RALGPS1: variants seen among roughly 807,000 people sequenced by gnomAD.
RALGPS1 encodes the protein ras-specific guanine nucleotide-releasing factor RalGPS1.
RALGPS1 carries 19 observed loss-of-function variants against 78.8 expected under a neutral mutation model. The observed-to-expected ratio is 0.24, with a 90% CI of 0.17 to 0.35. The LOEUF (loss-of-function observed/expected upper bound fraction) is 0.35, where lower values mean the gene tolerates loss of function less well. RALGPS1 is among the 10% of genes least tolerant of loss of function. The pLI, the probability that RALGPS1 is intolerant of heterozygous loss-of-function variation, is 1.00. For missense variants in RALGPS1, 454 were observed against 688.3 expected (o/e 0.66, Z 3.81); for synonymous variants, 228 against 256.3 (o/e 0.89, Z 1.06).
intron 8 of RALGPS1, among the ~76,000 whole-genome samples, chr9:127,121,010 T>C (rs1341153508): frequency 6.6e-6 from 1 of 152,080 alleles, no homozygotes; most frequent in East Asian, 1.9e-4. Context: ...TAGGGTGTGG[T>C]TGAGTGGCTC....
chr9:126,980,899 C>G (rs1270604003), intron 4 of RALGPS1, among the ~76,000 whole-genome samples: 2 of 152,142 alleles, frequency 1.3e-5, no homozygotes, highest in Non-Finnish European at 2.9e-5. Context: ...ATTGTGTAAG[C>G]AATATAGTTT....
At chr9:126,936,692 G>C (rs1004417224) in intron 1 of RALGPS1, among the ~76,000 whole-genome samples, 5 of 152,082 alleles carry the variant, frequency 3.3e-5, no homozygotes, top group African/African-American at 1.2e-4. Context: ...AGGTGCCATT[G>C]CAAAAGAAAG....
chr9:127,200,419 C>T (rs909461715), intron 14 of RALGPS1, among the ~76,000 whole-genome samples: 1 of 152,232 alleles, frequency 6.6e-6, no homozygotes, highest in Non-Finnish European at 1.5e-5. Context: ...AAACAAGGCT[C>T]AGAGAGGTAA....
intron 8 of RALGPS1, among the ~76,000 whole-genome samples, chr9:127,139,423 G>C (rs2057620174): frequency 6.6e-6 from 1 of 152,240 alleles, no homozygotes. Context: ...AACCCACCTT[G>C]TGCCCAGCTG....
chr9:127,127,895 C>T (rs773138034), intron 8 of RALGPS1, among the ~76,000 whole-genome samples: 3 of 151,814 alleles, frequency 2.0e-5, no homozygotes, highest in African/African-American at 7.3e-5. Context: ...TGTTATTATA[C>T]TTTAAGTTCT....
intron 8 of RALGPS1, chr9:127,108,124 T>A (rs1225599468): frequency 1.9e-6 from 3 of 1,613,696 alleles, no homozygotes; most frequent in Non-Finnish European, 8.5e-7. Flanking sequence ...CCTCTGGCAG[T>A]GCTCCTCAAG....
At chr9:127,203,013 C>T (rs2061728031) in intron 14 of RALGPS1, among the ~76,000 whole-genome samples, 3 of 152,124 alleles carry the variant, frequency 2.0e-5, no homozygotes, top group Admixed American at 6.5e-5. Flanking sequence ...GGGAAGGGAG[C>T]GTTTAGTCAG....
At chr9:127,083,154 G>C (rs2136185953) in intron 8 of RALGPS1, among the ~76,000 whole-genome samples, 1 of 152,294 alleles carries the variant, frequency 6.6e-6, no homozygotes, top group African/African-American at 2.4e-5. Flanking sequence ...TTTTTGGATA[G>C]ACACCCAGCC....
chr9:127,015,868 A>G (rs2044767406), intron 4 of RALGPS1, among the ~76,000 whole-genome samples: 3 of 151,634 alleles, frequency 2.0e-5, no homozygotes, highest in South Asian at 4.2e-4. Context: ...TTCTCACACC[A>G]TGTTTCCACC....
chr9:127,022,020 G>C (rs2045504454), intron 4 of RALGPS1, among the ~76,000 whole-genome samples: 1 of 152,142 alleles, frequency 6.6e-6, no homozygotes, highest in African/African-American at 2.4e-5. Context: ...AGGATTTGAT[G>C]AAACAGTAGT....
chr9:127,208,979 G>T (rs537845880), intron 14 of RALGPS1, among the ~76,000 whole-genome samples: 1 of 152,328 alleles, frequency 6.6e-6, no homozygotes, highest in South Asian at 2.1e-4. Flanking sequence ...AGACTCACGA[G>T]AAGAAAAGTG....
At chr9:127,127,072 C>A (rs1313425413) in intron 8 of RALGPS1, among the ~76,000 whole-genome samples, 1 of 152,152 alleles carries the variant, frequency 6.6e-6, no homozygotes, top group Non-Finnish European at 1.5e-5. Context: ...TAGGAGTTAG[C>A]TAAGGATTTG....
At chr9:127,126,765 C>T (rs1158666217) in intron 8 of RALGPS1, among the ~76,000 whole-genome samples, 2 of 152,236 alleles carry the variant, frequency 1.3e-5, no homozygotes, top group Non-Finnish European at 1.5e-5. Flanking sequence ...TTCATGTTCT[C>T]AAAATCCTGT....
intron 1 of RALGPS1, among the ~76,000 whole-genome samples, chr9:126,932,971 G>T (rs2035931647): frequency 6.6e-6 from 1 of 152,182 alleles, no homozygotes; most frequent in South Asian, 2.1e-4. Context: ...TCAGTTGGCG[G>T]CCTGTGTTAG....
At chr9:126,969,786 T>A (rs1344336467) in intron 3 of RALGPS1, among the ~76,000 whole-genome samples, 3 of 152,180 alleles carry the variant, frequency 2.0e-5, no homozygotes, top group African/African-American at 7.2e-5. Context: ...GCCTCAGCCG[T>A]AGGGTATTGC....
chr9:127,004,009 C>T (rs2043598875), intron 4 of RALGPS1, among the ~76,000 whole-genome samples: 1 of 152,194 alleles, frequency 6.6e-6, no homozygotes, highest in East Asian at 1.9e-4. Flanking sequence ...GTTGCTCTGT[C>T]TCTTTAAATT....
chr9:126,978,564 G>A (rs1457257193), intron 4 of RALGPS1, among the ~76,000 whole-genome samples: 1 of 150,014 alleles, frequency 6.7e-6, no homozygotes, highest in African/African-American at 2.5e-5. Context: ...AGCCATGATT[G>A]TGCCATTACA....
chr9:126,940,472 C>G (rs1319249453), intron 1 of RALGPS1, among the ~76,000 whole-genome samples: 1 of 146,506 alleles, frequency 6.8e-6, no homozygotes, highest in Non-Finnish European at 1.5e-5. Context: ...TGGAGTCTCG[C>G]TCTGTTGCCT....
chr9:127,101,305 G>A (rs1342072321), intron 8 of RALGPS1, among the ~76,000 whole-genome samples: 1 of 152,234 alleles, frequency 6.6e-6, no homozygotes. Flanking sequence ...TGACTGGAAA[G>A]TGGAGGATCT....
Sources: allele counts gnomAD v4.1 joint callset (sites outside exome capture counted in the v4.1 genomes callset), GRCh38; gene constraint gnomAD v4.1.1; transcripts MANE v1.5; gene names NCBI Gene and HGNC (gene_info 2026-07-23, HGNC 2026-07-21).